Variants in DPYSL3 observed in about 807,000 individuals in gnomAD.
The protein encoded by DPYSL3 is dihydropyrimidinase-related protein 3.
A neutral mutation model predicts 66.1 loss-of-function variants in DPYSL3; 16 were observed. The ratio of observed to expected loss-of-function variants is 0.24; its 90% CI spans 0.16 to 0.37. DPYSL3 has a LOEUF of 0.37. Among genes scored for constraint, DPYSL3 ranks in the 10% least tolerant of loss-of-function variants. The pLI is 1.00. For missense variants in DPYSL3, 738 were observed against 916.2 expected (o/e 0.81, Z 2.51); for synonymous variants, 338 against 345.1 (o/e 0.98, Z 0.23).
chr5:147,421,956 C>T (rs571600638), intron 2 of DPYSL3, among the ~76,000 whole-genome samples: 1 of 152,280 alleles, frequency 6.6e-6, no homozygotes, highest in South Asian at 2.1e-4. Context: ...TGGGCAAAGA[C>T]TTCATGACTA....
At chr5:147,464,990 G>A (rs1188316555) in intron 1 of DPYSL3, among the ~76,000 whole-genome samples, 1 of 152,174 alleles carries the variant, frequency 6.6e-6, no homozygotes, top group Non-Finnish European at 1.5e-5. Flanking sequence ...CTTGAGCCCA[G>A]GAGTTCAGGA....
chr5:147,504,573 G>C (rs1753658877), intron 1 of DPYSL3, among the ~76,000 whole-genome samples: 1 of 152,194 alleles, frequency 6.6e-6, no homozygotes, highest in African/African-American at 2.4e-5. Flanking sequence ...TCTATTTCCA[G>C]CTGTCTCACA....
chr5:147,404,965 G>A (rs1202382411), intron 8 of DPYSL3, among the ~76,000 whole-genome samples: 2 of 152,152 alleles, frequency 1.3e-5, no homozygotes, highest in African/African-American at 2.4e-5. Context: ...CATGACCCAA[G>A]CCAGACCAGT....
chr5:147,462,750 A>T (rs1752951957), intron 1 of DPYSL3, among the ~76,000 whole-genome samples: 1 of 152,128 alleles, frequency 6.6e-6, no homozygotes, highest in Non-Finnish European at 1.5e-5. Flanking sequence ...TAAACAGCCC[A>T]ACCACTTTGG....
At chr5:147,502,987 G>T (rs1278343406) in intron 1 of DPYSL3, among the ~76,000 whole-genome samples, 1 of 152,176 alleles carries the variant, frequency 6.6e-6, no homozygotes, top group Non-Finnish European at 1.5e-5. Context: ...ATGCATATTT[G>T]TAAAGAGTGC....
intron 1 of DPYSL3, among the ~76,000 whole-genome samples, chr5:147,430,863 G>C (rs140695683): frequency 1.3e-5 from 2 of 152,130 alleles, no homozygotes; most frequent in East Asian, 3.8e-4. Flanking sequence ...TGAGAACAGC[G>C]CTTAAGACAC....
In DPYSL3 at chr5:147,394,011, C is replaced by A. The variant is rs940846847; in HGVS notation, c.*24G>T. 1.2e-6 allele frequency: 2 copies of A among 1,611,750 alleles called. No individual in the cohort carries two copies. Among genetic ancestry groups the A allele is most frequent in the Admixed American group, 3.3e-5 (2 of 59,870 alleles). On this transcript the variant is annotated 3_prime_UTR_variant, in exon 14 of 14. Transcript: ENST00000343218. Reference sequence around the variant, plus strand: ...TCAAAACAATCTCTTCTTGCTTCTGCCCCTCTCTTTGAGGAAGGCTTGCTT... The same window carrying A: ...TCAAAACAATCTCTTCTTGCTTCTGACCCTCTCTTTGAGGAAGGCTTGCTT...
chr5:147,453,869 G>T, intron 1 of DPYSL3: 1 of 656,690 alleles, frequency 1.5e-6, no homozygotes, highest in Non-Finnish European at 2.2e-6. Context: ...CTTTTGCTGC[G>T]CCAGCTGGGA....
At chr5:147,484,943 G>A (rs1753307793) in intron 1 of DPYSL3, among the ~76,000 whole-genome samples, 2 of 152,254 alleles carry the variant, frequency 1.3e-5, no homozygotes, top group South Asian at 4.1e-4. Context: ...TCCATTTAGA[G>A]TTTCTCACCA....
At position 147,415,775 on chromosome 5, in the gene DPYSL3, G is replaced by T; in HGVS notation, c.754C>A (p.His252Asn). 1 of 1,614,092 alleles carries T rather than the reference G, an allele frequency of 6.2e-7. No individual in the cohort carries two copies. ...TCATTCCAGTGGGTGATGTCCACAT[G>T]CAGGGCATAGTCACAGCAACTCTTC... is the stretch of plus-strand genomic sequence containing the variant. ...DGKSCCDYAL[H>N]VDITHWNDSV... is the part of the protein sequence containing the mutation. Residue 252 changes from histidine (H) to asparagine (N), a missense_variant, in exon 4 of 14, where the codon CAT (histidine) becomes AAT (asparagine). His to Asn is a moderately conservative substitution (Grantham distance 68, BLOSUM62 1). Transcript: ENST00000343218.
intron 1 of DPYSL3, among the ~76,000 whole-genome samples, chr5:147,461,340 C>G (rs931856819): frequency 2.0e-5 from 3 of 152,184 alleles, no homozygotes; most frequent in African/African-American, 7.2e-5. Context: ...AATGGCACAC[C>G]TGGTCCAACC....
At chr5:147,459,085 C>A (rs1322903339) in intron 1 of DPYSL3, among the ~76,000 whole-genome samples, 1 of 149,836 alleles carries the variant, frequency 6.7e-6, no homozygotes, top group Non-Finnish European at 1.5e-5. Flanking sequence ...GGAGTCGCAT[C>A]AATGGGAAAA....
chr5:147,412,611 G>T lies in DPYSL3; in HGVS notation c.960C>A (p.Ala320=). The T allele has an allele frequency of 6.2e-7, 1 of 1,611,920 alleles. No homozygotes were observed. Among genetic ancestry groups the T allele is most frequent in the South Asian group, 1.1e-5 (1 of 90,456 alleles). Residue 320 remains alanine (A), a synonymous_variant, in exon 6 of 14, where the codon GCC becomes GCA. Transcript: ENST00000343218. ...CCAGGGAGCTGCACGGTGTTACCTG[G>T]GCAATGATATCCCCATTCTCAGCAT... ...QVHAENGDII[A]QEQTRMLEMG... is the part of the protein sequence containing the mutation.
At chr5:147,435,491 C>T (rs2126357948) in intron 1 of DPYSL3, among the ~76,000 whole-genome samples, 1 of 152,188 alleles carries the variant, frequency 6.6e-6, no homozygotes, top group South Asian at 2.1e-4. Context: ...AAATGCATCT[C>T]TATAAGAGAT....
At chr5:147,396,285 T>C (rs1365433465) in intron 12 of DPYSL3, among the ~76,000 whole-genome samples, 1 of 152,132 alleles carries the variant, frequency 6.6e-6, no homozygotes, top group Non-Finnish European at 1.5e-5. Flanking sequence ...GGCTGTGAAC[T>C]TGCCCTGGGA....
intron 1 of DPYSL3, among the ~76,000 whole-genome samples, chr5:147,433,224 G>A (rs1752346435): frequency 6.6e-6 from 1 of 152,152 alleles, no homozygotes; most frequent in African/African-American, 2.4e-5. Flanking sequence ...ACTCAAAGTA[G>A]AGTGACGGGG....
At chr5:147,459,688 A>G (rs1440627342) in intron 1 of DPYSL3, among the ~76,000 whole-genome samples, 1 of 152,214 alleles carries the variant, frequency 6.6e-6, no homozygotes, top group Non-Finnish European at 1.5e-5. Context: ...AAGGTATGCA[A>G]TCCTACGTCT....
intron 1 of DPYSL3, among the ~76,000 whole-genome samples, chr5:147,436,030 G>C (rs1178896697): frequency 6.6e-6 from 1 of 152,116 alleles, no homozygotes; most frequent in Non-Finnish European, 1.5e-5. Flanking sequence ...GCCCCACAAT[G>C]ACCTAGTGAT....
intron 2 of DPYSL3, 37 bp from the exon 3 acceptor site, chr5:147,418,668 T>G (rs1428758483): frequency 6.5e-7 from 1 of 1,538,362 alleles, no homozygotes; most frequent in Non-Finnish European, 8.8e-7. Flanking sequence ...GATCAAACAC[T>G]TGGTCATTTA....
Sources: gnomAD v4.1 joint callset for allele counts (sites outside exome capture counted in the v4.1 genomes callset) on GRCh38, gnomAD v4.1.1 for gene constraint, MANE v1.5 for transcripts, NCBI Gene and HGNC (gene_info 2026-07-23, HGNC 2026-07-21) for gene names.